Variants in RHOJ observed in about 807,000 individuals in gnomAD.
RHOJ encodes the protein rho-related GTP-binding protein RhoJ.
Under a neutral mutation model 23.4 loss-of-function variants are expected in RHOJ, and 11 were observed. That is an observed-to-expected ratio of 0.47 (90% confidence interval 0.30 to 0.78). RHOJ has a LOEUF of 0.78. Among genes scored for constraint, RHOJ ranks in the 30% least tolerant of loss-of-function variants. The pLI, the probability that RHOJ is intolerant of heterozygous loss-of-function variation, is 0.08. For missense variants in RHOJ, 254 were observed against 273.4 expected (o/e 0.93, Z 0.50); for synonymous variants, 102 against 102.7 (o/e 0.99, Z 0.04).
chr14:63,290,300 G>A (rs1882206336), intron 4 of RHOJ, among the ~76,000 whole-genome samples: 1 of 152,150 alleles, frequency 6.6e-6, no homozygotes. Flanking sequence ...ATATTACCTT[G>A]TTGAGGGATA....
At chr14:63,206,091 T>C (rs1566600189) in intron 1 of RHOJ, among the ~76,000 whole-genome samples, 1 of 152,208 alleles carries the variant, frequency 6.6e-6, no homozygotes, top group African/African-American at 2.4e-5. Flanking sequence ...GAGTGTCTGC[T>C]TGGCAATGTG....
chr14:63,249,994 AAATC>A (rs1895040601), intron 1 of RHOJ, among the ~76,000 whole-genome samples: 1 of 152,192 alleles, frequency 6.6e-6, no homozygotes, highest in Admixed American at 6.5e-5. Flanking sequence ...ACCCAGGATT[AAATC>A]AAATTTGGAA....
intron 1 of RHOJ, among the ~76,000 whole-genome samples, chr14:63,234,188 A>G (rs764959860): frequency 5.9e-5 from 9 of 152,184 alleles, no homozygotes; most frequent in African/African-American, 9.7e-5. Context: ...TTCCCATACT[A>G]TGATTCCTTA....
Position 63,222,012 on chromosome 14 carries a change from G to A in RHOJ, c.178+16965G>A, listed in dbSNP as rs569230207. On this transcript the variant is annotated intron_variant, in intron 1 of 4. Coordinates refer to ENST00000316754, the MANE Select transcript of RHOJ (RefSeq NM_020663.5). ...AAACAGGCCCCGGTGTGTGATGTTC[G>A]CCTTCCTGTGTCCAAGCGTTCTCAT... Among the ~76,000 whole-genome samples, 14 of 127,104 alleles carry A rather than the reference G, an allele frequency of 1.1e-4. No individual in the cohort carries two copies. The South Asian group carries it at 1.2e-3, about 11-fold the overall frequency. 83.4% of individuals were successfully genotyped at this position (127,104 alleles called of 152,430 possible).
chr14:63,270,667 C>G (rs1311508320), intron 2 of RHOJ, among the ~76,000 whole-genome samples: 1 of 152,192 alleles, frequency 6.6e-6, no homozygotes, highest in Non-Finnish European at 1.5e-5. Context: ...TGGGGTGTCC[C>G]CATTCATCAG....
rs779493646 is a variant in RHOJ at position 63,290,894 on chromosome 14, A to C, written c.515A>C (p.Tyr172Ser). ...GTGTTTAAGATCGGAGCACAGTGCT[A>C]CTTGGAATGTTCAGCTCTGACTCAG... Reference protein sequence around the residue: ...KLAKAIGAQCYLECSALTQKG... With the variant: ...KLAKAIGAQCSLECSALTQKG... Residue 172 changes from tyrosine to serine, a missense_variant, in exon 5 of 5, where the codon TAC becomes TCC. Coordinates refer to ENST00000316754, the MANE Select transcript of RHOJ (RefSeq NM_020663.5). 2 of 1,613,392 alleles carry C rather than the reference A, an allele frequency of 1.2e-6. No homozygotes were observed.
intron 1 of RHOJ, among the ~76,000 whole-genome samples, chr14:63,246,814 T>C (rs1013126489): frequency 6.6e-6 from 1 of 152,176 alleles, no homozygotes; most frequent in Non-Finnish European, 1.5e-5. Flanking sequence ...AATCTAAACG[T>C]AGAAGTGACG....
rs1167066503 is a variant in RHOJ at position 63,210,252 on chromosome 14, G to A, written c.178+5205G>A. On this transcript the variant is annotated intron_variant, in intron 1 of 4. Coordinates refer to ENST00000316754, the MANE Select transcript of RHOJ (RefSeq NM_020663.5). ...TGGGATTACAGGCGTGAACCACCAC[G>A]CCCAGCCAGCATTGAATTTTCTTGA... Among the ~76,000 whole-genome samples, 4 of 152,170 alleles carry A rather than the reference G, an allele frequency of 2.6e-5. No homozygotes were observed. The East Asian group carries it at 7.8e-4, about 30-fold the overall frequency.
At chr14:63,260,648 A>C (rs180807572) in intron 1 of RHOJ, among the ~76,000 whole-genome samples, 1 of 152,206 alleles carries the variant, frequency 6.6e-6, no homozygotes, top group African/African-American at 2.4e-5. Context: ...ATCTCCTGCT[A>C]TCTGCACATT....
intron 4 of RHOJ, among the ~76,000 whole-genome samples, chr14:63,285,409 G>GC (rs1374735367): frequency 3.3e-5 from 5 of 152,078 alleles, no homozygotes; most frequent in African/African-American, 1.2e-4. Flanking sequence ...CATGTGCAAA[G>GC]TTCCCCCCCA....
intron 1 of RHOJ, among the ~76,000 whole-genome samples, chr14:63,219,829 AAG>A (rs1025563327): frequency 6.8e-6 from 1 of 147,420 alleles, no homozygotes; most frequent in Non-Finnish European, 1.5e-5. Context: ...AAAAAAAAAA[AAG>A]GTCTCTTTTC....
intron 4 of RHOJ, among the ~76,000 whole-genome samples, chr14:63,287,295 A>G (rs1003630613): frequency 1.3e-5 from 2 of 152,242 alleles, no homozygotes; most frequent in Non-Finnish European, 2.9e-5. Flanking sequence ...TTGTGTGGCC[A>G]TAAGGGAGGT....
At chr14:63,233,151 GA>G (rs1001748986) in intron 1 of RHOJ, among the ~76,000 whole-genome samples, 14 of 151,822 alleles carry the variant, frequency 9.2e-5, no homozygotes, top group African/African-American at 2.9e-4. Context: ...GCTTGGGAAT[GA>G]AAAAAAAGAG....
chr14:63,217,072 T>C (rs942159484), intron 1 of RHOJ, among the ~76,000 whole-genome samples: 3 of 39,560 alleles, frequency 7.6e-5, no homozygotes, highest in African/African-American at 1.7e-4. Flanking sequence ...TCCCGCTTTT[T>C]TTTTCTTTTT....
chr14:63,220,411 A>T (rs542433257), intron 1 of RHOJ, among the ~76,000 whole-genome samples: 1 of 151,954 alleles, frequency 6.6e-6, no homozygotes, highest in Non-Finnish European at 1.5e-5. Flanking sequence ...AAATTTACCT[A>T]TGTAACAAAC....
intron 1 of RHOJ, 121 bp from the exon 2 acceptor site, chr14:63,268,989 G>A (rs1011586357): frequency 2.9e-6 from 2 of 687,442 alleles, no homozygotes; most frequent in East Asian, 2.7e-5. Context: ...ATGTACATGA[G>A]CGAGGCATAT....
At position 63,230,841 on chromosome 14, in the gene RHOJ, C is replaced by CTTTTTTTTTT. The variant is rs57848893; in HGVS notation, c.178+25803_178+25812dup. Among the ~76,000 whole-genome samples the CTTTTTTTTTT allele has an allele frequency of 7.6e-3, 725 of 95,250 alleles. 166 individuals carry two copies. The highest frequency in any genetic ancestry group is 0.033 in the African/African-American group (646 of 19,810). The allele number at this position is 95,250 out of a possible 152,430, so 62.5% of individuals were successfully genotyped here. On this transcript the variant is annotated intron_variant, in intron 1 of 4. Transcript: ENST00000316754. ...AATGGAAGTTTACAAGGGTACAAGGCTTTTTTTTTTTTTTTTTTAGATGGA... is the reference window on the plus strand; with the variant it reads ...AATGGAAGTTTACAAGGGTACAAGGCTTTTTTTTTTTTTTTTTTTTTTTTTTTTAGATGGA...
chr14:63,292,485 G>A lies in RHOJ; in HGVS notation c.*1461G>A, dbSNP rs934963486. On this transcript the variant is annotated 3_prime_UTR_variant, in exon 5 of 5. Coordinates refer to ENST00000316754, the MANE Select transcript of RHOJ (RefSeq NM_020663.5). ...TCTAATTAGTCTTAGTTGCTTATAA[G>A]TGCCCTGGAATCACCCAGGTAGGCA... The A allele has an allele frequency of 2.0e-5, 3 of 152,152 alleles. No individual in the cohort carries two copies. Among genetic ancestry groups the A allele is most frequent in the Admixed American group, 1.3e-4 (2 of 15,278 alleles). The allele number at this position is 152,152 out of a possible 1,614,324, so 9.4% of individuals were successfully genotyped here.
chr14:63,242,840 A>T (rs941623102), intron 1 of RHOJ, among the ~76,000 whole-genome samples: 5 of 152,198 alleles, frequency 3.3e-5, no homozygotes, highest in Admixed American at 6.5e-5. Context: ...TAGTTCAAAG[A>T]TGTAAAATGA....
Sources: gnomAD v4.1 joint callset for allele counts (sites outside exome capture counted in the v4.1 genomes callset) on GRCh38, gnomAD v4.1.1 for gene constraint, MANE v1.5 for transcripts, NCBI Gene and HGNC (gene_info 2026-07-23, HGNC 2026-07-21) for gene names.